Variants in ZMYM4 observed in about 807,000 individuals in gnomAD.
The protein encoded by ZMYM4 is zinc finger MYM-type containing 4.
A neutral mutation model predicts 183.2 loss-of-function variants in ZMYM4; 31 were observed. The ratio of observed to expected loss-of-function variants is 0.17; its 90% CI spans 0.13 to 0.23. The LOEUF is 0.23. Among genes scored for constraint, ZMYM4 ranks in the 10% least tolerant of loss-of-function variants. ZMYM4 has a pLI of 1.00. For synonymous variants in ZMYM4, 592 were observed against 631.2 expected (o/e 0.94, Z 0.93); for missense variants, 1,273 against 1,840.3 (o/e 0.69, Z 5.64).
At chr1:35,358,593 A>G (rs1643879651) in intron 2 of ZMYM4, among the ~76,000 whole-genome samples, 1 of 151,658 alleles carries the variant, frequency 6.6e-6, no homozygotes, top group Non-Finnish European at 1.5e-5. Flanking sequence ...AGACTCTGAG[A>G]GTTTACTTTT....
At position 35,407,440 on chromosome 1, in the gene ZMYM4, AAAAG is replaced by A. The variant is rs778768414; in HGVS notation, c.3797-560_3797-557del. Reference sequence around the variant, plus strand: ...CGAAATTCCATCTCAAAAAAAAAAAAAAAGAAAGAAAAGAAAAAGTTGAATAGCT... The same window carrying A: ...CGAAATTCCATCTCAAAAAAAAAAAAAAAGAAAAGAAAAAGTTGAATAGCT... On this transcript the variant is annotated intron_variant, in intron 25 of 29. Coordinates refer to ENST00000314607, the MANE Select transcript of ZMYM4 (RefSeq NM_005095.3). Among the ~76,000 whole-genome samples the A allele has an allele frequency of 1.4e-4, 22 of 152,198 alleles. No individual in the cohort carries two copies. In the East Asian group the frequency reaches 1.9e-3, roughly 13 times the overall value.
chr1:35,303,439 G>A (rs145633205), intron 1 of ZMYM4, among the ~76,000 whole-genome samples: 2 of 152,052 alleles, frequency 1.3e-5, no homozygotes, highest in East Asian at 3.9e-4. Context: ...TTTTTGAGAC[G>A]GAGTCACCCA....
intron 28 of ZMYM4, 75 bp downstream of exon 28, chr1:35,415,789 G>C: frequency 6.5e-7 from 1 of 1,537,586 alleles, no homozygotes. Flanking sequence ...ACTGCAGAAA[G>C]GTAATTATAA....
intron 2 of ZMYM4, among the ~76,000 whole-genome samples, chr1:35,343,972 G>A (rs1299240780): frequency 6.6e-6 from 1 of 151,780 alleles, no homozygotes; most frequent in Non-Finnish European, 1.5e-5. Flanking sequence ...AGACTTTGGA[G>A]TTACATTAAA....
At chr1:35,335,930 AAAAAC>A (rs1218248224) in intron 2 of ZMYM4, among the ~76,000 whole-genome samples, 8 of 152,238 alleles carry the variant, frequency 5.3e-5, no homozygotes, top group Non-Finnish European at 1.0e-4. Flanking sequence ...TCCGTCTCAA[AAAAAC>A]AAAACAAAAC....
chr1:35,269,579 A>G (rs972518448), intron 1 of ZMYM4, among the ~76,000 whole-genome samples: 11 of 152,056 alleles, frequency 7.2e-5, no homozygotes, highest in African/African-American at 2.7e-4. Flanking sequence ...TATCTAGACC[A>G]AAGTCGGGGT....
intron 1 of ZMYM4, among the ~76,000 whole-genome samples, chr1:35,294,795 AAATT>A (rs1436814123): frequency 3.3e-5 from 5 of 152,260 alleles, no homozygotes; most frequent in Non-Finnish European, 4.4e-5. Flanking sequence ...TAAACAAAAA[AAATT>A]AATTCAAAAG....
At chr1:35,353,403 G>A (rs757454416) in intron 2 of ZMYM4, among the ~76,000 whole-genome samples, 1 of 152,110 alleles carries the variant, frequency 6.6e-6, no homozygotes, top group African/African-American at 2.4e-5. Flanking sequence ...GTCTTCTAAC[G>A]ACTTCCTTTT....
At chr1:35,357,434 A>G (rs775476363) in intron 2 of ZMYM4, among the ~76,000 whole-genome samples, 16 of 152,208 alleles carry the variant, frequency 1.1e-4, no homozygotes, top group African/African-American at 1.9e-4. Flanking sequence ...TGATGTATCA[A>G]TTAAATGTGG....
chr1:35,279,344 A>C (rs994798517), intron 1 of ZMYM4, among the ~76,000 whole-genome samples: 2 of 152,162 alleles, frequency 1.3e-5, no homozygotes, highest in African/African-American at 4.8e-5. Flanking sequence ...CTCCTTACAT[A>C]TCAAGGGGGT....
intron 1 of ZMYM4, among the ~76,000 whole-genome samples, chr1:35,284,615 G>C (rs535849271): frequency 1.3e-5 from 2 of 152,232 alleles, no homozygotes; most frequent in South Asian, 4.1e-4. Flanking sequence ...TTGGGCTGTC[G>C]TAACACAGTA....
At chr1:35,290,017 GA>G (rs1237074912) in intron 1 of ZMYM4, among the ~76,000 whole-genome samples, 1 of 151,690 alleles carries the variant, frequency 6.6e-6, no homozygotes, top group Non-Finnish European at 1.5e-5. Context: ...ACCTAGGCTG[GA>G]GTGCGGTGGT....
chr1:35,324,757 A>G (rs930133256), intron 1 of ZMYM4, among the ~76,000 whole-genome samples: 5 of 152,180 alleles, frequency 3.3e-5, no homozygotes, highest in Non-Finnish European at 5.9e-5. Context: ...AGGCCTTCAG[A>G]GACTCAGAGT....
intron 1 of ZMYM4, among the ~76,000 whole-genome samples, chr1:35,278,149 T>C (rs1353032206): frequency 1.3e-5 from 2 of 152,148 alleles, no homozygotes; most frequent in Non-Finnish European, 2.9e-5. Flanking sequence ...TGCCTTCATC[T>C]TCCCTTGGTC....
At position 35,270,684 on chromosome 1, in the gene ZMYM4, TGGGAGGCGGTGGTAGCA is replaced by T. The variant is rs528346115; in HGVS notation, c.39+1618_39+1634del. Among the ~76,000 whole-genome samples, 355 of 152,126 alleles carry T rather than the reference TGGGAGGCGGTGGTAGCA, an allele frequency of 2.3e-3. 2 individuals carry two copies. Among genetic ancestry groups the T allele is most frequent in the Non-Finnish European group, 4.1e-3 (279 of 67,982 alleles). On this transcript the variant is annotated intron_variant, in intron 1 of 29. Transcript: ENST00000314607. ...CTGAGGCAGGGGAATCGCTTGAACC[TGGGAGGCGGTGGTAGCA>T]GGGAGGCGGTGGTAGCAGTGAGCCG...
rs777388462 is a variant in ZMYM4 at position 35,358,892 on chromosome 1, A to G, written c.86-33A>G. On this transcript the variant is annotated intron_variant, in intron 2 of 29. Transcript: ENST00000314607. ...TATCATTGTGGTCATCTTTAGCACT[A>G]TCATTTGTCTAAACAGTATTTTACT... The G allele has an allele frequency of 2.5e-6, 4 of 1,573,362 alleles. No homozygotes were observed. In the South Asian group the frequency reaches 3.5e-5, roughly 14 times the overall value.
chr1:35,378,165 C>T (rs1429567142), intron 7 of ZMYM4, among the ~76,000 whole-genome samples: 1 of 152,206 alleles, frequency 6.6e-6, no homozygotes, highest in Non-Finnish European at 1.5e-5. Flanking sequence ...TTCTAGTTCT[C>T]TTACTATTTC....
Position 35,361,707 on chromosome 1 carries a change from C to T in ZMYM4, c.758C>T (p.Pro253Leu). 1 of 1,613,704 alleles carries T rather than the reference C, an allele frequency of 6.2e-7. No homozygotes were observed. Among genetic ancestry groups the T allele is most frequent in the South Asian group, 1.1e-5 (1 of 91,056 alleles). ...TCAAATATTAGAATTAAAGAAGAACCTTTGGATGATGAGTATGACAAAGCA... is the reference window on the plus strand; with the variant it reads ...TCAAATATTAGAATTAAAGAAGAACTTTTGGATGATGAGTATGACAAAGCA... ...FASNIRIKEE[P>L]LDDEYDKAMA... The change falls in exon 5 of 30, where the codon CCT becomes CTT. Residue 253 changes from proline (P) to leucine (L), a missense_variant. Pro to Leu is a moderately conservative substitution (Grantham distance 98, BLOSUM62 -3). Transcript: ENST00000314607.
chr1:35,410,974 G>A (rs994107482), intron 26 of ZMYM4, among the ~76,000 whole-genome samples: 5 of 151,664 alleles, frequency 3.3e-5, no homozygotes, highest in African/African-American at 1.2e-4. Context: ...TTATATTTAG[G>A]TCGTTCATTT....
Sources: allele counts gnomAD v4.1 joint callset (sites outside exome capture counted in the v4.1 genomes callset), GRCh38; gene constraint gnomAD v4.1.1; transcripts MANE v1.5; gene names NCBI Gene and HGNC (gene_info 2026-07-23, HGNC 2026-07-21).